The following CCDC7 variants were observed in gnomAD, a reference collection of about 807,000 sequenced individuals.
The protein encoded by CCDC7 is coiled-coil domain containing 7, also known as coiled-coil domain-containing protein 7.
In CCDC7, 183 loss-of-function variants were observed where a neutral mutation model predicts 196.9. The observed-to-expected ratio is 0.93, with a 90% confidence interval of 0.82 to 1.05. The LOEUF is 1.05. Ranked by LOEUF, CCDC7 falls within the 50% of genes least tolerant of loss-of-function variation. The probability of loss-of-function intolerance (pLI) is 0.00; values close to 1 mark genes in which losing one functional copy is unlikely to be tolerated. For missense variants in CCDC7, 1,540 were observed against 1,482.2 expected, an observed-to-expected ratio of 1.04 and a Z score of -0.64; for synonymous variants, 525 against 484.6, an observed-to-expected ratio of 1.08 and a Z score of -1.10.
At chr10:32,450,329 A>T (rs1055308097), upstream of CCDC7, among the ~76,000 whole-genome samples, 3 of 152,258 alleles carry the variant, frequency 2.0e-5, no homozygotes, top group East Asian at 5.8e-4. Flanking sequence ...TTTAGGACCC[A>T]CCTTAATTCA....
At chr10:32,454,511 T>G (rs1330702876) in intron 2 of CCDC7, among the ~76,000 whole-genome samples, 1 of 151,772 alleles carries the variant, frequency 6.6e-6, no homozygotes, top group Non-Finnish European at 1.5e-5. Flanking sequence ...ACCCCAAACC[T>G]CAGCATCACG....
intron 24 of CCDC7, 72 bp downstream of exon 25, chr10:32,695,064 T>A (rs946062288): frequency 1.2e-5 from 9 of 763,148 alleles, no homozygotes; most frequent in Non-Finnish European, 1.6e-5. Flanking sequence ...CTTTGGTTCA[T>A]GACTATGTAG....
At chr10:32,775,220 G>A (rs561181198) in intron 28 of CCDC7, among the ~76,000 whole-genome samples, 5 of 152,246 alleles carry the variant, frequency 3.3e-5, no homozygotes, top group African/African-American at 1.2e-4. Context: ...AAGACAGCAT[G>A]ACTATTATCT....
downstream of CCDC7, chr10:32,876,535 G>A: frequency 1.3e-6 from 1 of 769,680 alleles, no homozygotes; most frequent in Non-Finnish European, 2.1e-6. Flanking sequence ...AAATACAGTG[G>A]ATCAACAGGG....
chr10:32,710,238 C>T (rs772603551), intron 24 of CCDC7, among the ~76,000 whole-genome samples: 2 of 152,184 alleles, frequency 1.3e-5, no homozygotes, highest in Non-Finnish European at 2.9e-5. Context: ...TCTCCTAGAT[C>T]ACACAGGAAA....
At chr10:32,455,056 T>G (rs1218002117) in intron 2 of CCDC7, among the ~76,000 whole-genome samples, 2 of 152,158 alleles carry the variant, frequency 1.3e-5, no homozygotes, top group African/African-American at 4.8e-5. Context: ...CATTATAAAC[T>G]TGGTCAAATC....
chr10:32,534,227 T>G (rs2050125161), intron 11 of CCDC7, among the ~76,000 whole-genome samples: 1 of 152,216 alleles, frequency 6.6e-6, no homozygotes, highest in Non-Finnish European at 1.5e-5. Context: ...AATGTATTTC[T>G]CAGTTCCAAG....
chr10:32,461,841 G>A (rs531021220), intron 3 of CCDC7, among the ~76,000 whole-genome samples: 106 of 149,090 alleles, frequency 7.1e-4, no homozygotes, highest in African/African-American at 2.4e-3. Flanking sequence ...GCGTGATCTC[G>A]GCTCACCGCA....
intron 28 of CCDC7, among the ~76,000 whole-genome samples, chr10:32,741,372 G>A (rs1219249548): frequency 6.6e-6 from 1 of 152,134 alleles, no homozygotes; most frequent in Non-Finnish European, 1.5e-5. Flanking sequence ...TTAAAATTAG[G>A]AGAAGTTTGT....
At chr10:32,571,367 A>G (rs1013674584) in intron 15 of CCDC7, among the ~76,000 whole-genome samples, 1 of 152,160 alleles carries the variant, frequency 6.6e-6, no homozygotes, top group Non-Finnish European at 1.5e-5. Context: ...TTCTCAGTAT[A>G]CTTATTTTAA....
chr10:32,668,019 T>G (rs1311910196), intron 21 of CCDC7, among the ~76,000 whole-genome samples: 3 of 152,066 alleles, frequency 2.0e-5, no homozygotes, highest in African/African-American at 7.2e-5. Context: ...TGTTCTTCCA[T>G]TTGTTTGTAT....
At chr10:32,528,853 G>C (rs1302763995) in intron 11 of CCDC7, among the ~76,000 whole-genome samples, 2 of 150,774 alleles carry the variant, frequency 1.3e-5, no homozygotes, top group Non-Finnish European at 1.5e-5. Context: ...CATTTGGGCT[G>C]GTTCCATATT....
At chr10:32,580,979 A>T (rs1018796895) in intron 16 of CCDC7, among the ~76,000 whole-genome samples, 1 of 152,180 alleles carries the variant, frequency 6.6e-6, no homozygotes, top group Non-Finnish European at 1.5e-5. Context: ...AGAATTATGA[A>T]GTGTCCATGA....
chr10:32,559,298 C>T (rs991090449), intron 13 of CCDC7, among the ~76,000 whole-genome samples: 7 of 152,240 alleles, frequency 4.6e-5, no homozygotes, highest in Non-Finnish European at 1.0e-4. Context: ...ATGTCCCTGT[C>T]TGACAGCTTT....
At chr10:32,664,032 C>G in intron 20 of CCDC7, 22 bp from the exon 22 acceptor site, 1 of 393,666 alleles carries the variant, frequency 2.5e-6, no homozygotes, top group Non-Finnish European at 4.5e-6. Flanking sequence ...GTTTAGTGCA[C>G]TAAATTTATT....
chr10:32,494,764 A>G (rs1032551544), intron 9 of CCDC7, among the ~76,000 whole-genome samples: 11 of 152,138 alleles, frequency 7.2e-5, no homozygotes, highest in African/African-American at 2.2e-4. Flanking sequence ...CATGGTGTAT[A>G]TGTGCCACAT....
At chr10:32,742,607 G>T (rs2086055890) in intron 28 of CCDC7, among the ~76,000 whole-genome samples, 1 of 152,120 alleles carries the variant, frequency 6.6e-6, no homozygotes, top group South Asian at 2.1e-4. Flanking sequence ...AGCAGTCTTT[G>T]TCTGCTCAGG....
chr10:32,577,197 A>G (rs953784256), intron 16 of CCDC7, among the ~76,000 whole-genome samples: 2 of 151,978 alleles, frequency 1.3e-5, no homozygotes, highest in Non-Finnish European at 2.9e-5. Flanking sequence ...CCCCATCTCT[A>G]CTAAAAATAC....
At chr10:32,592,112 C>T (rs963457347) in intron 18 of CCDC7, among the ~76,000 whole-genome samples, 1 of 152,128 alleles carries the variant, frequency 6.6e-6, no homozygotes, top group African/African-American at 2.4e-5. Context: ...TGAATTTATT[C>T]ATATCACCTT....
Sources: allele counts gnomAD v4.1 joint callset (sites outside exome capture counted in the v4.1 genomes callset), GRCh38; gene constraint gnomAD v4.1.1; transcripts MANE v1.5; gene names NCBI Gene and HGNC (gene_info 2026-07-23, HGNC 2026-07-21).